TNRC6C: variants seen among roughly 807,000 people sequenced by gnomAD.
TNRC6C encodes trinucleotide repeat-containing gene 6C protein.
A neutral mutation model predicts 153.7 loss-of-function variants in TNRC6C; 20 were observed. The observed-to-expected ratio is 0.13, with a 90% CI of 0.09 to 0.19. The LOEUF (loss-of-function observed/expected upper bound fraction) is 0.19, where lower values mean the gene tolerates loss of function less well. TNRC6C is among the 10% of genes least tolerant of loss of function. The pLI, the probability that TNRC6C is intolerant of heterozygous loss-of-function variation, is 1.00. For synonymous variants in TNRC6C, 811 were observed against 841.4 expected (o/e 0.96, Z 0.63); for missense variants, 1,987 against 2,172.0 (o/e 0.91, Z 1.69).
intron 1 of TNRC6C, among the ~76,000 whole-genome samples, chr17:77,971,920 C>CT (rs967577282): frequency 6.7e-6 from 1 of 148,644 alleles, no homozygotes; most frequent in African/African-American, 2.5e-5. Context: ...CTAAACTGTA[C>CT]TAGGAGAGAA....
intron 2 of TNRC6C, among the ~76,000 whole-genome samples, chr17:78,041,569 A>G (rs1209459609): frequency 6.6e-6 from 1 of 152,204 alleles, no homozygotes; most frequent in Non-Finnish European, 1.5e-5. Flanking sequence ...TCTGCGTTTC[A>G]TAATTCCTTG....
chr17:78,072,989 C>G, intron 6 of TNRC6C, 48 bp from the exon 9 acceptor site: 1 of 1,400,496 alleles, frequency 7.1e-7, no homozygotes, highest in Non-Finnish European at 9.8e-7. Context: ...GTAACCTTTC[C>G]TTTTGTTAAT....
chr17:78,006,578 T>C (rs59705382), intron 1 of TNRC6C, among the ~76,000 whole-genome samples: 108 of 145,042 alleles, frequency 7.4e-4, no homozygotes, highest in African/African-American at 1.6e-3. Context: ...CCTTCTTCCT[T>C]CTTCTTCCTT....
chr17:77,982,520 G>GA (rs1400267678), intron 1 of TNRC6C, among the ~76,000 whole-genome samples: 2 of 152,080 alleles, frequency 1.3e-5, no homozygotes, highest in Non-Finnish European at 2.9e-5. Flanking sequence ...AGACAAAAAA[G>GA]AAAAAAGGAT....
chr17:78,091,680 G>T, intron 14 of TNRC6C, 73 bp downstream of exon 16: 1 of 1,305,904 alleles, frequency 7.7e-7, no homozygotes, highest in Non-Finnish European at 9.8e-7. Flanking sequence ...TGTATAGCAT[G>T]GCCATTCTAT....
chr17:78,078,890 A>G (rs2073129871), intron 9 of TNRC6C, among the ~76,000 whole-genome samples: 1 of 152,200 alleles, frequency 6.6e-6, no homozygotes, highest in Non-Finnish European at 1.5e-5. Flanking sequence ...CAGGAGTTCA[A>G]GACCAGCTTG....
chr17:78,025,700 G>C (rs1194505527), intron 1 of TNRC6C, among the ~76,000 whole-genome samples: 2 of 151,990 alleles, frequency 1.3e-5, no homozygotes, highest in Non-Finnish European at 2.9e-5. Context: ...GTAACAAATA[G>C]GTTCTGCACC....
intron 1 of TNRC6C, among the ~76,000 whole-genome samples, chr17:77,986,318 G>C (rs1567901879): frequency 6.6e-6 from 1 of 151,884 alleles, no homozygotes; most frequent in Non-Finnish European, 1.5e-5. Context: ...GGGAGGCTGA[G>C]GCAGGAGAAT....
intron 1 of TNRC6C, among the ~76,000 whole-genome samples, chr17:77,982,560 G>T (rs149640010): frequency 5.9e-5 from 9 of 152,298 alleles, no homozygotes; most frequent in Non-Finnish European, 1.2e-4. Context: ...GGCCAGGCGC[G>T]GTGGCTCATG....
chr17:78,056,378 G>A (rs1327775723), intron 3 of TNRC6C, among the ~76,000 whole-genome samples: 1 of 151,038 alleles, frequency 6.6e-6, no homozygotes, highest in African/African-American at 2.4e-5. Context: ...GGCTGGTCTG[G>A]AACTCCTGAC....
At chr17:78,101,055 C>A (rs572713975) in intron 17 of TNRC6C, among the ~76,000 whole-genome samples, 32 of 152,256 alleles carry the variant, frequency 2.1e-4, no homozygotes, top group African/African-American at 7.5e-4. Flanking sequence ...GGATTACAGG[C>A]GTGAGCCACC....
chr17:78,086,145 C>T (rs1598775738), intron 11 of TNRC6C, among the ~76,000 whole-genome samples: 1 of 151,914 alleles, frequency 6.6e-6, no homozygotes, highest in East Asian at 1.9e-4. Context: ...GCCTGGCCAA[C>T]ATAATGAAAC....
intron 8 of TNRC6C, among the ~76,000 whole-genome samples, chr17:78,076,195 G>A (rs948845481): frequency 2.0e-5 from 3 of 150,152 alleles, no homozygotes; most frequent in African/African-American, 7.4e-5. Flanking sequence ...CAGCCTGGAC[G>A]AGAGAGCGAT....
At chr17:77,983,483 T>G (rs914196766) in intron 1 of TNRC6C, among the ~76,000 whole-genome samples, 1 of 152,110 alleles carries the variant, frequency 6.6e-6, no homozygotes, top group Admixed American at 6.5e-5. Context: ...TAGTACTTCT[T>G]TGCACCATAT....
intron 11 of TNRC6C, among the ~76,000 whole-genome samples, chr17:78,083,739 C>G (rs931564087): frequency 6.6e-6 from 1 of 152,160 alleles, no homozygotes; most frequent in African/African-American, 2.4e-5. Context: ...ACTTAATTCT[C>G]TCATGAAACC....
In TNRC6C at chr17:78,079,343, A is replaced by G. The variant is rs747501607; in HGVS notation, c.3211-52A>G. The G allele has an allele frequency of 3.8e-6, 6 of 1,599,082 alleles. No individual in the cohort carries two copies. The highest frequency in any genetic ancestry group is 1.1e-5 in the South Asian group (1 of 90,514). On this transcript the variant is annotated intron_variant, in intron 9 of 19. Coordinates refer to ENST00000301624, the Ensembl canonical transcript of TNRC6C. This position sits in a 1 kb window ranked among gnomAD's most constrained non-coding sequence, Gnocchi z 4.3. ...GATCATTTCACCCTACCTCCAAACA[A>G]TGTTACTCTAATGCCTGCCTTGGTA...
intron 3 of TNRC6C, among the ~76,000 whole-genome samples, chr17:78,060,957 C>G (rs559883606): frequency 1.3e-5 from 2 of 152,286 alleles, no homozygotes; most frequent in South Asian, 4.1e-4. Context: ...ATTTCTTGGC[C>G]TTTTCTCTGT....
intron 16 of TNRC6C, among the ~76,000 whole-genome samples, chr17:78,096,019 C>G (rs759867693): frequency 4.6e-5 from 7 of 152,170 alleles, no homozygotes; most frequent in African/African-American, 7.2e-5. Context: ...CCACTGCACT[C>G]CAGCCTGGGT....
intron 10 of TNRC6C, among the ~76,000 whole-genome samples, chr17:78,081,360 G>A (rs2073176270): frequency 6.6e-6 from 1 of 152,152 alleles, no homozygotes. Context: ...GCACTGCATT[G>A]AGGGTAATTC....
Sources: allele counts gnomAD v4.1 joint callset (sites outside exome capture counted in the v4.1 genomes callset), GRCh38; gene constraint gnomAD v4.1.1; non-coding constraint Gnocchi (gnomAD v3.1); transcripts MANE v1.5; gene names NCBI Gene and HGNC (gene_info 2026-07-23, HGNC 2026-07-21).